The following KDM3B variants were observed in gnomAD, a reference collection of about 807,000 sequenced individuals.
KDM3B encodes lysine demethylase 3B.
A neutral mutation model predicts 170.0 loss-of-function variants in KDM3B; 10 were observed. The ratio of observed to expected loss-of-function variants is 0.06; its 90% CI spans 0.04 to 0.10. The LOEUF is 0.10. Among genes scored for constraint, KDM3B ranks in the 10% least tolerant of loss-of-function variants. The probability of loss-of-function intolerance (pLI) is 1.00; values close to 1 mark genes in which losing one functional copy is unlikely to be tolerated. For synonymous variants in KDM3B, 831 were observed against 834.8 expected (o/e 1.00, Z 0.08); for missense variants, 1,394 against 2,195.2 (o/e 0.64, Z 7.29).
chr5:138,406,116 A>G (rs1230901830), intron 11 of KDM3B, among the ~76,000 whole-genome samples: 4 of 152,162 alleles, frequency 2.6e-5, no homozygotes, highest in Non-Finnish European at 2.9e-5. Flanking sequence ...AGAAGTCAAG[A>G]TGGGGATTAC....
At chr5:138,419,666 A>ATATATAT (rs1476360145) in intron 14 of KDM3B, among the ~76,000 whole-genome samples, 10 of 113,898 alleles carry the variant, frequency 8.8e-5, no homozygotes, top group Admixed American at 7.7e-4. Context: ...AAAAAAAAAA[A>ATATATAT]AAATATATAT....
intron 20 of KDM3B, 130 bp downstream of exon 20, chr5:138,428,216 T>TG (rs60807705): frequency 2.1e-4 from 197 of 930,906 alleles, no homozygotes; most frequent in African/African-American, 1.3e-3. Flanking sequence ...TTTTTTTTTT[T>TG]GGGGGGCGGG....
chr5:138,417,584 C>G lies in KDM3B; in HGVS notation c.3409C>G (p.Pro1137Ala). 6.2e-7 allele frequency: 1 copy of G among 1,614,032 alleles called. No homozygotes were observed. The change falls in exon 13 of 24, where the codon CCT becomes GCT. Residue 1137 changes from proline to alanine, a missense_variant. Pro to Ala is a conservative substitution (Grantham distance 27). Coordinates refer to ENST00000314358, the MANE Select transcript of KDM3B (RefSeq NM_016604.4). ...ISRQNKSVLR[P>A]AVTNGMSQLP... is the part of the protein sequence containing the mutation. The stretch of plus-strand genomic sequence containing the variant: ...TCGACAGAACAAATCTGTATTGAGA[C>G]CTGCCGTCACCAATGGGATGTCACA...
chr5:138,368,235 CTT>C (rs111379967), intron 1 of KDM3B, among the ~76,000 whole-genome samples: 48 of 139,838 alleles, frequency 3.4e-4, no homozygotes, highest in Middle Eastern at 3.6e-3. Flanking sequence ...TTCTTTCTTT[CTT>C]TTTTTTTTTT....
intron 7 of KDM3B, among the ~76,000 whole-genome samples, chr5:138,388,074 A>G (rs912696002): frequency 1.3e-5 from 2 of 150,236 alleles, no homozygotes; most frequent in African/African-American, 4.9e-5. Flanking sequence ...GAGCAAGACT[A>G]TGTCTCAAAA....
At chr5:138,396,031 A>G (rs938126865) in intron 9 of KDM3B, among the ~76,000 whole-genome samples, 4 of 152,202 alleles carry the variant, frequency 2.6e-5, no homozygotes, top group African/African-American at 9.7e-5. Context: ...GTTTTGCTAG[A>G]TTGGTAGGGG....
rs1344459131 is a variant in KDM3B at position 138,352,857 on chromosome 5, C to T, written c.62C>T (p.Ala21Val). The change falls in exon 1 of 24, where the codon GCG becomes GTG. Residue 21 changes from alanine (A) to valine (V), a missense_variant. Ala to Val is a moderately conservative substitution (Grantham distance 64). Transcript: ENST00000314358. ...CTGCTGCTGCTGTTCGCGGACACTGCGGCCTCAGCCTCGGCCTCGGCTCCC... is the reference window on the plus strand; with the variant it reads ...CTGCTGCTGCTGTTCGCGGACACTGTGGCCTCAGCCTCGGCCTCGGCTCCC... ...KRLLLLFADT[A>V]ASASASAPAA... 3 of 1,374,960 alleles carry T rather than the reference C, an allele frequency of 2.2e-6. No individual in the cohort carries two copies. Among genetic ancestry groups the T allele is most frequent in the Admixed American group, 2.9e-5 (1 of 34,250 alleles). 85.2% of individuals were successfully genotyped at this position (1,374,960 alleles called of 1,614,324 possible).
chr5:138,372,646 C>A, intron 1 of KDM3B, 28 bp from the exon 2 acceptor site: 1 of 1,597,064 alleles, frequency 6.3e-7, no homozygotes, highest in Non-Finnish European at 8.6e-7. Context: ...CCAAGTGTGA[C>A]TTCCAAACTG....
In KDM3B at chr5:138,386,076, A is replaced by G. The variant is rs781780170; in HGVS notation, c.835A>G (p.Ile279Val). ...CAAAGGAAAGAAGAAGAGAGAAAGC[A>G]TAGAGGGGAAAGATGGCCGGAGGAG... The part of the protein sequence containing the change: ...SSKGKKKRES[I>V]EGKDGRRRKS... The change falls in exon 7 of 24, where the codon ATA (isoleucine) becomes GTA (valine). Residue 279 changes from isoleucine to valine, a missense_variant. This residue lies in a region of KDM3B where 166 missense variants were observed against 216.4 expected (regional missense o/e 0.77). Coordinates refer to ENST00000314358, the MANE Select transcript of KDM3B (RefSeq NM_016604.4). 1.1e-5 allele frequency: 18 copies of G among 1,614,028 alleles called. No individual in the cohort carries two copies. Among genetic ancestry groups the G allele is most frequent in the Non-Finnish European group, 8.5e-7 (1 of 1,180,010 alleles).
intron 1 of KDM3B, among the ~76,000 whole-genome samples, chr5:138,362,833 C>T (rs1761648627): frequency 6.7e-6 from 1 of 149,602 alleles, no homozygotes; most frequent in South Asian, 2.1e-4. Context: ...TGGTGTGCTG[C>T]ACCCATTAAC....
intron 9 of KDM3B, among the ~76,000 whole-genome samples, chr5:138,396,831 A>G (rs1237267703): frequency 1.3e-5 from 2 of 152,138 alleles, no homozygotes; most frequent in African/African-American, 4.8e-5. Flanking sequence ...TGTACCAAGA[A>G]ACTGTATTGT....
At chr5:138,392,626 C>T (rs1762463117) in intron 8 of KDM3B, among the ~76,000 whole-genome samples, 2 of 152,188 alleles carry the variant, frequency 1.3e-5, no homozygotes, top group African/African-American at 2.4e-5. Flanking sequence ...AACTGGTATC[C>T]ATTCCCACAT....
intron 4 of KDM3B, among the ~76,000 whole-genome samples, chr5:138,378,784 A>G (rs1762057712): frequency 1.4e-5 from 2 of 144,528 alleles, no homozygotes; most frequent in Non-Finnish European, 3.1e-5. Flanking sequence ...ACATATATAT[A>G]TAGATTATAT....
At chr5:138,373,758 T>G (rs982171640) in intron 2 of KDM3B, among the ~76,000 whole-genome samples, 6 of 152,170 alleles carry the variant, frequency 3.9e-5, no homozygotes, top group Non-Finnish European at 7.3e-5. Flanking sequence ...GTGCTGGGAT[T>G]ATAGGCATGA....
In KDM3B at chr5:138,388,310, G is replaced by A. The variant is rs559864993; in HGVS notation, c.1380+1689G>A. On this transcript the variant is annotated intron_variant, in intron 7 of 23. Transcript: ENST00000314358. Reference sequence around the variant, plus strand: ...CAGTCATGTTGCTGTGTTTCTGTTTGGTTCTTCTTCTAGGATATGATTTAA... The same window carrying A: ...CAGTCATGTTGCTGTGTTTCTGTTTAGTTCTTCTTCTAGGATATGATTTAA... Among the ~76,000 whole-genome samples, 8 of 152,082 alleles carry A rather than the reference G, an allele frequency of 5.3e-5. No homozygotes were observed. In the South Asian group the frequency reaches 1.7e-3, roughly 32 times the overall value.
Position 138,391,495 on chromosome 5 carries a change from A to G in KDM3B, c.1863A>G (p.Leu621=). The G allele has an allele frequency of 1.2e-6, 2 of 1,613,978 alleles. No individual in the cohort carries two copies. Among genetic ancestry groups the G allele is most frequent in the Non-Finnish European group, 1.7e-6 (2 of 1,180,016 alleles). The change falls in exon 8 of 24, where the codon CTA becomes CTG. Residue 621 remains leucine (L), a synonymous_variant. Transcript: ENST00000314358. This position sits in a 1 kb window ranked among gnomAD's most constrained non-coding sequence, Gnocchi z 5.0. The part of the protein sequence containing the change: ...NARTPENHEN[L]FLQPPKLSRE... ...GTACCCCAGAGAATCATGAAAATCT[A>G]TTTTTACAGCCCCCCAAATTGTCCC...
intron 14 of KDM3B, 50 bp downstream of exon 14, chr5:138,419,282 T>A: frequency 6.4e-7 from 1 of 1,559,408 alleles, no homozygotes; most frequent in Non-Finnish European, 8.7e-7. Context: ...ATCATGAGTT[T>A]TTTCCAGGAT....
rs200872059 is a variant in KDM3B, at chr5:138,391,654, G to T, written c.2022G>T (p.Trp674Cys). ...TTVTSKVAPS[W>C]PESHSSADSA... ...TCACCTCCAAGGTGGCACCCAGCTG[G>T]CCCGAGTCTCACTCCTCTGCAGATT... The change falls in exon 8 of 24, where the codon TGG becomes TGT. Residue 674 changes from tryptophan to cysteine, a missense_variant. Transcript: ENST00000314358. This position sits in a 1 kb window ranked among gnomAD's most constrained non-coding sequence, Gnocchi z 5.0. 1.2e-6 allele frequency: 2 copies of T among 1,613,976 alleles called. No homozygotes were observed. Among genetic ancestry groups the T allele is most frequent in the Non-Finnish European group, 1.7e-6 (2 of 1,180,030 alleles).
Position 138,425,581 on chromosome 5 carries a change from C to T in KDM3B, c.4410C>T (p.Cys1470=), listed in dbSNP as rs1416375280. 1 of 1,613,314 alleles carries T rather than the reference C, an allele frequency of 6.2e-7. No homozygotes were observed. Among genetic ancestry groups the T allele is most frequent in the Non-Finnish European group, 8.5e-7 (1 of 1,179,482 alleles). Residue 1470 remains cysteine, a splice_region_variant and synonymous_variant, in exon 17 of 24, where the codon TGC becomes TGT. Coordinates refer to ENST00000314358, the MANE Select transcript of KDM3B (RefSeq NM_016604.4). The part of the protein sequence containing the change: ...RDFWDGFEII[C]KRLRSEDGQP... ...TCTGGGATGGTTTCGAGATCATATG[C>T]AGTAAGTAGCTTTCATATCTAGTTC...
Sources: gnomAD v4.1 joint callset for allele counts (sites outside exome capture counted in the v4.1 genomes callset) on GRCh38, gnomAD v4.1.1 for gene constraint, gnomAD v4.1.1 regional missense constraint, Gnocchi (gnomAD v3.1) non-coding constraint, MANE v1.5 for transcripts, NCBI Gene and HGNC (gene_info 2026-07-23, HGNC 2026-07-21) for gene names.